The following SPON1 variants were observed in gnomAD, a reference collection of about 807,000 sequenced individuals.
SPON1 encodes the protein spondin 1.
In SPON1, 52 loss-of-function variants were observed where a neutral mutation model predicts 111.7. The ratio of observed to expected loss-of-function variants is 0.47; its 90% CI spans 0.37 to 0.59. SPON1 has a LOEUF of 0.59. Ranked by LOEUF, SPON1 falls within the 20% of genes least tolerant of loss-of-function variation. The pLI is 0.00. For synonymous variants in SPON1, 410 were observed against 395.8 expected (o/e 1.04, Z -0.43); for missense variants, 957 against 1,068.5 (o/e 0.90, Z 1.46).
intron 6 of SPON1, among the ~76,000 whole-genome samples, chr11:14,210,388 T>TTTG (rs201700346): frequency 6.7e-6 from 1 of 149,960 alleles, no homozygotes; most frequent in African/African-American, 2.5e-5. Context: ...TTTTTTTTTT[T>TTTG]GTTTTTTGTT....
intron 6 of SPON1, among the ~76,000 whole-genome samples, chr11:14,234,489 C>T (rs1294782529): frequency 6.6e-6 from 1 of 152,148 alleles, no homozygotes; most frequent in Non-Finnish European, 1.5e-5. Context: ...TGTGTGAGCA[C>T]TAAAAAGAAC....
At chr11:14,141,131 C>A (rs1413930515) in intron 6 of SPON1, among the ~76,000 whole-genome samples, 5 of 151,880 alleles carry the variant, frequency 3.3e-5, no homozygotes, top group African/African-American at 1.2e-4. Flanking sequence ...GTCCAGGGCC[C>A]CAACAGCTCA....
At chr11:14,189,473 C>G (rs1189491114) in intron 6 of SPON1, among the ~76,000 whole-genome samples, 5 of 152,274 alleles carry the variant, frequency 3.3e-5, no homozygotes, top group South Asian at 2.1e-4. Flanking sequence ...TAAGCCCCCT[C>G]GGAGGCAAAT....
chr11:14,169,188 G>A (rs1373735864), intron 6 of SPON1, among the ~76,000 whole-genome samples: 2 of 152,146 alleles, frequency 1.3e-5, no homozygotes, highest in African/African-American at 2.4e-5. Context: ...TTTAATGATT[G>A]CCATTCTAAC....
intron 6 of SPON1, among the ~76,000 whole-genome samples, chr11:14,220,883 A>C (rs954945286): frequency 2.0e-5 from 3 of 152,198 alleles, no homozygotes; most frequent in Non-Finnish European, 4.4e-5. Flanking sequence ...AACTGAACAG[A>C]AGGATTAAAA....
intron 2 of SPON1, among the ~76,000 whole-genome samples, chr11:14,021,653 G>GC (rs1367370789): frequency 6.6e-6 from 1 of 152,176 alleles, no homozygotes; most frequent in Non-Finnish European, 1.5e-5. Context: ...AAAACCCAAG[G>GC]CCCTGGAAGG....
chr11:14,120,368 C>G (rs1554926381), intron 5 of SPON1, among the ~76,000 whole-genome samples: 3 of 152,074 alleles, frequency 2.0e-5, no homozygotes, highest in African/African-American at 7.2e-5. Flanking sequence ...TATGGCCATG[C>G]CCATATACCT....
intron 6 of SPON1, 31 bp from the exon 7 acceptor site, chr11:14,243,301 T>C (rs1554939873): frequency 1.9e-6 from 3 of 1,559,558 alleles, no homozygotes; most frequent in Admixed American, 1.9e-5. Context: ...CCCAGCTCTG[T>C]TCACTAAATA....
chr11:13,995,937 G>C (rs1554911755), intron 2 of SPON1, among the ~76,000 whole-genome samples: 4 of 152,198 alleles, frequency 2.6e-5, no homozygotes, highest in Non-Finnish European at 4.4e-5. Context: ...TTTGCAGAAA[G>C]TGGGTAGTGA....
At chr11:14,251,664 A>G (rs1164864578) in intron 7 of SPON1, among the ~76,000 whole-genome samples, 1 of 152,210 alleles carries the variant, frequency 6.6e-6, no homozygotes, top group African/African-American at 2.4e-5. Flanking sequence ...CTCTATGACA[A>G]TGGAAGAGGA....
rs558517668 is a variant in SPON1 at position 14,211,017 on chromosome 11, A to G, written c.826-32315A>G. ...TTTGGTTACTGTAGACTTGTAGTAT[A>G]GTTTGAAGTCAGGTAGTGTGATGCC... On this transcript the variant is annotated intron_variant, in intron 6 of 15. Coordinates refer to ENST00000576479, the MANE Select transcript of SPON1 (RefSeq NM_006108.4). Among the ~76,000 whole-genome samples, 3 of 152,286 alleles carry G rather than the reference A, an allele frequency of 2.0e-5. No individual in the cohort carries two copies. In the East Asian group the frequency reaches 5.8e-4, roughly 29 times the overall value.
intron 2 of SPON1, among the ~76,000 whole-genome samples, chr11:13,990,971 G>T (rs1848224895): frequency 6.6e-6 from 1 of 152,160 alleles, no homozygotes; most frequent in Non-Finnish European, 1.5e-5. Flanking sequence ...CCCTTTGTGG[G>T]TAACATGACC....
chr11:14,219,565 T>A (rs1554937410), intron 6 of SPON1, among the ~76,000 whole-genome samples: 1 of 152,222 alleles, frequency 6.6e-6, no homozygotes, highest in East Asian at 1.9e-4. Context: ...TAAAGTTGAA[T>A]GTTTGTCATA....
At chr11:14,170,701 A>T (rs9704334) in intron 6 of SPON1, among the ~76,000 whole-genome samples, 1 of 151,916 alleles carries the variant, frequency 6.6e-6, no homozygotes, top group Non-Finnish European at 1.5e-5. Flanking sequence ...AGTTTTTAGC[A>T]TGAAGTTGTT....
chr11:14,144,972 T>G (rs942128345), intron 6 of SPON1, among the ~76,000 whole-genome samples: 1 of 152,064 alleles, frequency 6.6e-6, no homozygotes, highest in African/African-American at 2.4e-5. Flanking sequence ...CCTACCTCAT[T>G]CAAGGCTTAA....
chr11:14,171,868 A>G (rs1848105824), intron 6 of SPON1, among the ~76,000 whole-genome samples: 2 of 151,976 alleles, frequency 1.3e-5, no homozygotes, highest in Admixed American at 6.6e-5. Flanking sequence ...AGTTTGTTAT[A>G]ATTTCTGTTC....
chr11:14,010,627 T>A (rs1564885173), intron 2 of SPON1, among the ~76,000 whole-genome samples: 1 of 152,142 alleles, frequency 6.6e-6, no homozygotes, highest in Non-Finnish European at 1.5e-5. Flanking sequence ...CTTATACGTG[T>A]GTCATAGGGA....
At chr11:14,164,629 A>G (rs566686455) in intron 6 of SPON1, among the ~76,000 whole-genome samples, 1 of 152,214 alleles carries the variant, frequency 6.6e-6, no homozygotes, top group African/African-American at 2.4e-5. Context: ...CATCTTGCCC[A>G]CTGCCTAGAT....
intron 6 of SPON1, among the ~76,000 whole-genome samples, chr11:14,226,979 G>A (rs1848747435): frequency 6.6e-6 from 1 of 152,026 alleles, no homozygotes; most frequent in Non-Finnish European, 1.5e-5. Flanking sequence ...CCTCTGTCTT[G>A]TAAAGACACT....
Sources: allele counts gnomAD v4.1 joint callset (sites outside exome capture counted in the v4.1 genomes callset), GRCh38; gene constraint gnomAD v4.1.1; transcripts MANE v1.5; gene names NCBI Gene and HGNC (gene_info 2026-07-23, HGNC 2026-07-21).